INPP4B: variants seen among roughly 807,000 people sequenced by gnomAD.
The protein encoded by INPP4B is inositol polyphosphate 4-phosphatase type II.
INPP4B carries 55 observed loss-of-function variants against 122.5 expected under a neutral mutation model. The ratio of observed to expected loss-of-function variants is 0.45; its 90% CI spans 0.36 to 0.56. The LOEUF (loss-of-function observed/expected upper bound fraction) is 0.56, where lower values mean the gene tolerates loss of function less well. Among genes scored for constraint, INPP4B ranks in the 20% least tolerant of loss-of-function variants. The pLI is 0.00. For missense variants in INPP4B, 1,000 were observed against 1,097.7 expected (o/e 0.91, Z 1.26); for synonymous variants, 403 against 388.7 (o/e 1.04, Z -0.43).
At chr4:142,236,397 G>A (rs142744791) in intron 12 of INPP4B, among the ~76,000 whole-genome samples, 5 of 152,230 alleles carry the variant, frequency 3.3e-5, no homozygotes, top group Non-Finnish European at 7.4e-5. Flanking sequence ...AATAGTATTA[G>A]GTAGGGATAA....
chr4:142,578,190 T>C (rs192939254), intron 2 of INPP4B, among the ~76,000 whole-genome samples: 4 of 152,112 alleles, frequency 2.6e-5, no homozygotes, highest in East Asian at 1.9e-4. Flanking sequence ...CAGGCTGAGA[T>C]TGGCTGATGA....
At chr4:142,079,588 T>A (rs1772766187) in intron 25 of INPP4B, among the ~76,000 whole-genome samples, 1 of 152,114 alleles carries the variant, frequency 6.6e-6, no homozygotes, top group Admixed American at 6.6e-5. Context: ...GAGTTATATG[T>A]ATAAAAATAT....
chr4:142,798,746 T>G (rs1408192550), intron 1 of INPP4B, among the ~76,000 whole-genome samples: 2 of 151,804 alleles, frequency 1.3e-5, no homozygotes, highest in Admixed American at 6.6e-5. Flanking sequence ...AGTAGAGAAG[T>G]AGAGATAAGC....
intron 25 of INPP4B, among the ~76,000 whole-genome samples, chr4:142,070,828 A>G (rs336365): frequency 0.65 from 98,097 of 151,954 alleles, 36,980 homozygotes; most frequent in Non-Finnish European, 0.83. Flanking sequence ...TCCTCAACGA[A>G]ATAAAAGAGG....
At chr4:142,546,041 G>A (rs1417482999) in intron 2 of INPP4B, among the ~76,000 whole-genome samples, 1 of 151,788 alleles carries the variant, frequency 6.6e-6, no homozygotes, top group Non-Finnish European at 1.5e-5. Context: ...TAGGTATTAA[G>A]CCTAGTACTG....
chr4:142,843,692 T>C (rs113891330), intron 1 of INPP4B, among the ~76,000 whole-genome samples: 6,223 of 122,916 alleles, frequency 0.051, 139 homozygotes, highest in African/African-American at 0.1. Context: ...TATGATTCCA[T>C]AATTTCTTAA....
chr4:142,253,840 G>A (rs574102207), intron 11 of INPP4B, among the ~76,000 whole-genome samples: 19 of 152,310 alleles, frequency 1.2e-4, no homozygotes, highest in South Asian at 4.1e-4. Context: ...GCTCGAACTC[G>A]GTGGAGCCCA....
intron 7 of INPP4B, among the ~76,000 whole-genome samples, chr4:142,349,105 A>G (rs1781199033): frequency 6.6e-6 from 1 of 152,084 alleles, no homozygotes; most frequent in Non-Finnish European, 1.5e-5. Flanking sequence ...AGCCAAGATC[A>G]TCATGGCAAT....
intron 10 of INPP4B, among the ~76,000 whole-genome samples, chr4:142,269,664 T>C (rs997832094): frequency 2.0e-5 from 3 of 152,164 alleles, no homozygotes; most frequent in Non-Finnish European, 4.4e-5. Flanking sequence ...ATGGTTACTG[T>C]ATAATAGTCC....
At chr4:142,174,839 C>CAGTA (rs1827331267) in intron 15 of INPP4B, among the ~76,000 whole-genome samples, 1 of 152,052 alleles carries the variant, frequency 6.6e-6, no homozygotes, top group Non-Finnish European at 1.5e-5. Flanking sequence ...TATGCTTGCA[C>CAGTA]AGACTGGTCT....
At position 142,255,078 on chromosome 4, in the gene INPP4B, C is replaced by A. The variant is rs546212556; in HGVS notation, c.688+5414G>T. Among the ~76,000 whole-genome samples the A allele has an allele frequency of 2.3e-3, 348 of 151,934 alleles. 1 individual carries two copies. The highest frequency in any genetic ancestry group is 3.8e-3 in the Non-Finnish European group (261 of 67,972). On this transcript the variant is annotated intron_variant, in intron 11 of 25. Coordinates refer to ENST00000262992, the MANE Select transcript of INPP4B (RefSeq NM_001101669.3). ...CATTCTTAAAGAAAAGAATTTTCAA[C>A]CCAGAATTTCATATCCAGCCAAACT...
intron 3 of INPP4B, among the ~76,000 whole-genome samples, chr4:142,446,881 G>C (rs1350910115): frequency 6.6e-6 from 1 of 152,116 alleles, no homozygotes. Flanking sequence ...CTAATATATT[G>C]CTTAAGGCTA....
intron 1 of INPP4B, among the ~76,000 whole-genome samples, chr4:142,775,258 T>C (rs998974985): frequency 2.6e-5 from 4 of 151,184 alleles, no homozygotes; most frequent in Non-Finnish European, 4.4e-5. Flanking sequence ...CCATGCATTC[T>C]TCTTTACTGT....
At chr4:142,457,656 A>G (rs1490996002) in intron 3 of INPP4B, among the ~76,000 whole-genome samples, 2 of 152,224 alleles carry the variant, frequency 1.3e-5, no homozygotes, top group Non-Finnish European at 2.9e-5. Context: ...AATCTCTGGT[A>G]AGGGTGTTAA....
intron 1 of INPP4B, among the ~76,000 whole-genome samples, chr4:142,757,804 G>A (rs191542738): frequency 6.6e-6 from 1 of 152,270 alleles, no homozygotes; most frequent in East Asian, 1.9e-4. Flanking sequence ...CTTAGGGTAA[G>A]AATATATTTG....
Position 142,806,750 on chromosome 4 carries a change from AGAAGAAGAAG to A in INPP4B, c.-254+39449_-254+39458del, listed in dbSNP as rs1561090638. ...CAGAGCAAGACCCTGTTAAAAAAAAAGAAGAAGAAGAAAGAAGAAAGAAAGAAAGAAAGAA... is the reference window on the plus strand; with the variant it reads ...CAGAGCAAGACCCTGTTAAAAAAAAAAAAGAAGAAAGAAAGAAAGAAAGAA... On this transcript the variant is annotated intron_variant, in intron 1 of 25. Transcript: ENST00000262992. Among the ~76,000 whole-genome samples, 440 of 137,984 alleles carry A rather than the reference AGAAGAAGAAG, an allele frequency of 3.2e-3. 7 individuals are homozygous for A. The highest frequency in any genetic ancestry group is 0.012 in the African/African-American group (423 of 36,652). The allele number at this position is 137,984 out of a possible 152,430, so 90.5% of individuals were successfully genotyped here. A position where few individuals can be genotyped will look rare whatever the true frequency, so the allele number is the denominator to read the frequency against.
chr4:142,532,055 A>G (rs943875570), intron 2 of INPP4B, among the ~76,000 whole-genome samples: 1 of 152,172 alleles, frequency 6.6e-6, no homozygotes, highest in African/African-American at 2.4e-5. Context: ...AATATTTTTC[A>G]AATTGATTTC....
intron 2 of INPP4B, among the ~76,000 whole-genome samples, chr4:142,512,409 G>A (rs1316380029): frequency 6.6e-6 from 1 of 152,042 alleles, no homozygotes; most frequent in Non-Finnish European, 1.5e-5. Context: ...TAAAACATTA[G>A]TAATACATCA....
intron 1 of INPP4B, among the ~76,000 whole-genome samples, chr4:142,817,975 C>T (rs186738738): frequency 1.9e-3 from 285 of 151,970 alleles, no homozygotes; most frequent in Middle Eastern, 0.01. Flanking sequence ...GGCCCACTTT[C>T]TAGAAGTGGA....
Sources: allele counts gnomAD v4.1 joint callset (sites outside exome capture counted in the v4.1 genomes callset), GRCh38; gene constraint gnomAD v4.1.1; transcripts MANE v1.5; gene names NCBI Gene and HGNC (gene_info 2026-07-23, HGNC 2026-07-21).